Variants in PAPOLG observed in about 807,000 individuals in gnomAD.
PAPOLG encodes the protein poly(A) polymerase gamma, also known as PAP-gamma.
Under a neutral mutation model 99.0 loss-of-function variants are expected in PAPOLG, and 40 were observed. The ratio of observed to expected loss-of-function variants is 0.40; its 90% confidence interval spans 0.31 to 0.53. PAPOLG has a LOEUF of 0.53. Ranked by LOEUF, PAPOLG falls within the 20% of genes least tolerant of loss-of-function variation. PAPOLG has a pLI of 0.41. For synonymous variants in PAPOLG, 310 were observed against 299.3 expected (o/e 1.04, Z -0.37); for missense variants, 675 against 884.1 (o/e 0.76, Z 3.00).
At chr2:60,787,375 A>T in intron 14 of PAPOLG, 136 bp from the exon 15 acceptor site, 1 of 1,153,312 alleles carries the variant, frequency 8.7e-7, no homozygotes, top group Non-Finnish European at 1.2e-6. Context: ...TGTCACTTTT[A>T]AGAATCTGGC....
intron 14 of PAPOLG, 93 bp downstream of exon 14, chr2:60,787,159 G>A: frequency 9.3e-7 from 1 of 1,077,802 alleles, no homozygotes; most frequent in Non-Finnish European, 1.3e-6. Context: ...TTGTTTAACA[G>A]GCATTGATGG....
rs960428100 is a variant in PAPOLG, at chr2:60,799,526, A to G, written c.*2366A>G. ...TTCGTTAACTTGGTGGGAAGCTTCC[A>G]TTGTACTAGTTCCAAGTAAAAAAGG... On this transcript the variant is annotated 3_prime_UTR_variant, in exon 22 of 22. Coordinates refer to ENST00000238714, the MANE Select transcript of PAPOLG (RefSeq NM_022894.4). 1.3e-5 allele frequency: 2 copies of G among 152,392 alleles called. No homozygotes were observed. The highest frequency in any genetic ancestry group is 4.8e-5 in the African/African-American group (2 of 41,470). The allele number at this position is 152,392 out of a possible 1,614,324, so 9.4% of individuals were successfully genotyped here. A position where few individuals can be genotyped will look rare whatever the true frequency, so the allele number is the denominator to read the frequency against.
In PAPOLG at chr2:60,799,573, T is replaced by C. The variant is rs1411052070; in HGVS notation, c.*2413T>C. 1 of 152,216 alleles carries C rather than the reference T, an allele frequency of 6.6e-6. No homozygotes were observed. The highest frequency in any genetic ancestry group is 1.5e-5 in the Non-Finnish European group (1 of 68,044). The allele number at this position is 152,216 out of a possible 1,614,324, so 9.4% of individuals were successfully genotyped here. A position where few individuals can be genotyped will look rare whatever the true frequency, so the allele number is the denominator to read the frequency against. On this transcript the variant is annotated 3_prime_UTR_variant, in exon 22 of 22. Transcript: ENST00000238714. Reference sequence around the variant, plus strand: ...AAGGAGAAAGTATGATCTGGGATTTTGTGTTATGATGAGAGGCACTAAGTA... The same window carrying C: ...AAGGAGAAAGTATGATCTGGGATTTCGTGTTATGATGAGAGGCACTAAGTA...
chr2:60,767,368 G>A (rs1670711736), intron 3 of PAPOLG, among the ~76,000 whole-genome samples: 3 of 148,248 alleles, frequency 2.0e-5, no homozygotes, highest in African/African-American at 7.5e-5. Context: ...TTTGAGGCAA[G>A]GTCTCACTGT....
At position 60,780,617 on chromosome 2, in the gene PAPOLG, TAGA is replaced by T. The variant is rs1349707122; in HGVS notation, c.834-87_834-85del. The T allele has an allele frequency of 6.5e-5, 87 of 1,331,856 alleles. 1 individual carries two copies. Among genetic ancestry groups the T allele is most frequent in the South Asian group, 2.2e-4 (18 of 80,608 alleles). The allele number at this position is 1,331,856 out of a possible 1,614,324, so 82.5% of individuals were successfully genotyped here. A position where few individuals can be genotyped will look rare whatever the true frequency, so the allele number is the denominator to read the frequency against. On this transcript the variant is annotated intron_variant, in intron 9 of 21. Coordinates refer to ENST00000238714, the MANE Select transcript of PAPOLG (RefSeq NM_022894.4). Reference sequence around the variant, plus strand: ...CCAAATACCCAGAACATTCACTCTGTAGAAGGTTAGAACAATCTAATAATTATA... The same window carrying T: ...CCAAATACCCAGAACATTCACTCTGTAGGTTAGAACAATCTAATAATTATA...
intron 13 of PAPOLG, among the ~76,000 whole-genome samples, chr2:60,784,271 T>C (rs1407418215): frequency 6.6e-6 from 1 of 152,212 alleles, no homozygotes; most frequent in Non-Finnish European, 1.5e-5. Flanking sequence ...ACACCCGGCC[T>C]GAGTTTTTCA....
intron 7 of PAPOLG, among the ~76,000 whole-genome samples, chr2:60,772,375 A>C (rs1250682491): frequency 2.7e-5 from 4 of 148,848 alleles, no homozygotes; most frequent in African/African-American, 9.9e-5. Context: ...TGAGCCCCCG[A>C]GGTGGAGGCT....
At chr2:60,784,972 A>T (rs1396496705) in intron 13 of PAPOLG, among the ~76,000 whole-genome samples, 2 of 152,208 alleles carry the variant, frequency 1.3e-5, no homozygotes, top group Non-Finnish European at 2.9e-5. Flanking sequence ...TGATGTTTTT[A>T]AAAAATGTTA....
rs1671544981 is a variant in PAPOLG at position 60,791,837 on chromosome 2, A to G, written c.1473A>G (p.Gln491=). 3.1e-6 allele frequency: 5 copies of G among 1,613,714 alleles called. No homozygotes were observed. Among genetic ancestry groups the G allele is most frequent in the Middle Eastern group, 1.7e-4 (1 of 6,046 alleles). The change falls in exon 16 of 22, where the codon CAA becomes CAG. Residue 491 remains glutamine, a synonymous_variant. Coordinates refer to ENST00000238714, the MANE Select transcript of PAPOLG (RefSeq NM_022894.4). Reference sequence around the variant, plus strand: ...AAGCAACTCATGTAAAGAAAAAACAACTTCACCACTACCTTCCTGCAGAAA... The same window carrying G: ...AAGCAACTCATGTAAAGAAAAAACAGCTTCACCACTACCTTCCTGCAGAAA... ...KIEATHVKKK[Q]LHHYLPAEIL...
intron 3 of PAPOLG, among the ~76,000 whole-genome samples, chr2:60,766,703 A>C (rs974612873): frequency 1.3e-5 from 2 of 150,752 alleles, no homozygotes; most frequent in African/African-American, 4.9e-5. Context: ...AAACCCAAAA[A>C]AACAAAAGAT....
At position 60,793,673 on chromosome 2, in the gene PAPOLG, G is replaced by A. The variant is rs765170016; in HGVS notation, c.1726G>A (p.Val576Ile). 1 of 1,613,856 alleles carries A rather than the reference G, an allele frequency of 6.2e-7. No homozygotes were observed. The highest frequency in any genetic ancestry group is 8.5e-7 in the Non-Finnish European group (1 of 1,179,822). Reference sequence around the variant, plus strand: ...TGTAATTGTGGAGAAGCCACTGAGTGTACCACCAGCCCAAGGACTTTCCAT... The same window carrying A: ...TGTAATTGTGGAGAAGCCACTGAGTATACCACCAGCCCAAGGACTTTCCAT... The part of the protein sequence containing the change: ...AAVIVEKPLS[V>I]PPAQGLSIPV... The change falls in exon 18 of 22, where the codon GTA (valine) becomes ATA (isoleucine). Residue 576 changes from valine to isoleucine, a missense_variant. Val to Ile is a conservative substitution (Grantham distance 29). Around this residue, in one of 3 missense-constraint regions of PAPOLG, gnomAD observed 413 missense variants for 460.5 expected, o/e 0.90. Transcript: ENST00000238714.
At chr2:60,770,583 G>T (rs1670821273) in intron 6 of PAPOLG, 72 bp downstream of exon 6, 8 of 993,158 alleles carry the variant, frequency 8.1e-6, no homozygotes, top group South Asian at 1.8e-5. Flanking sequence ...CTGAAATCAG[G>T]CTTAACATAA....
Position 60,785,535 on chromosome 2 carries a change from T to C in PAPOLG, c.1167-1412T>C, listed in dbSNP as rs191884078. 8.2e-4 allele frequency among the ~76,000 whole-genome samples: 120 copies of C among 147,028 alleles called. No homozygotes were observed. The Middle Eastern group carries it at 0.018, about 22-fold the overall frequency. ...AAACTTATCTTAGCCTTAGGATTTA[T>C]TTTTTTTTTTAGAGACGGAGTCTCA... On this transcript the variant is annotated intron_variant, in intron 13 of 21. Transcript: ENST00000238714.
chr2:60,772,446 CAAAA>C lies in PAPOLG; in HGVS notation c.604+831_604+834del, dbSNP rs35297734. On this transcript the variant is annotated intron_variant, in intron 7 of 21. Coordinates refer to ENST00000238714, the MANE Select transcript of PAPOLG (RefSeq NM_022894.4). ...TAGGTGACAGAGTGAGACCCTGTCT[CAAAA>C]AAAAAAAAAAAAAAGAGGCCAGGCA... Among the ~76,000 whole-genome samples, 550 of 84,124 alleles carry C rather than the reference CAAAA, an allele frequency of 6.5e-3. 7 individuals carry two copies. The highest frequency in any genetic ancestry group is 0.025 in the African/African-American group (538 of 21,488). The allele number at this position is 84,124 out of a possible 152,430, so 55.2% of individuals were successfully genotyped here.
intron 15 of PAPOLG, among the ~76,000 whole-genome samples, chr2:60,788,196 G>A (rs961236821): frequency 1.4e-4 from 22 of 152,016 alleles, no homozygotes; most frequent in African/African-American, 5.3e-4. Context: ...GAATATCTCT[G>A]GAAGGATACT....
At chr2:60,762,637 C>CT (rs915462735) in intron 3 of PAPOLG, among the ~76,000 whole-genome samples, 4 of 147,960 alleles carry the variant, frequency 2.7e-5, no homozygotes, top group Non-Finnish European at 4.5e-5. Flanking sequence ...ATTTTTTTTT[C>CT]TTTTTTTGAG....
chr2:60,784,743 A>G (rs1671305830), intron 13 of PAPOLG, among the ~76,000 whole-genome samples: 1 of 152,162 alleles, frequency 6.6e-6, no homozygotes, highest in Admixed American at 6.5e-5. Flanking sequence ...GAACATAGCC[A>G]TGTTTCTTCG....
intron 8 of PAPOLG, among the ~76,000 whole-genome samples, chr2:60,776,819 T>C (rs1303627092): frequency 6.6e-6 from 1 of 152,222 alleles, no homozygotes; most frequent in Non-Finnish European, 1.5e-5. Context: ...CCTCTCTAGC[T>C]GTGAAAGTCC....
Position 60,787,497 on chromosome 2 carries a change from A to C in PAPOLG, c.1287-14A>C, listed in dbSNP as rs759672112. ...AATAATAATTAATGGAAATTCTTAA[A>C]TTTTACTTTATAGCAACAATTACGT... On this transcript the variant is annotated splice_polypyrimidine_tract_variant and intron_variant, in intron 14 of 21. Transcript: ENST00000238714. 17 of 1,597,286 alleles carry C rather than the reference A, an allele frequency of 1.1e-5. No homozygotes were observed. The South Asian group carries it at 1.9e-4, about 18-fold the overall frequency.
Sources: gnomAD v4.1 joint callset for allele counts (sites outside exome capture counted in the v4.1 genomes callset) on GRCh38, gnomAD v4.1.1 for gene constraint, gnomAD v4.1.1 regional missense constraint, MANE v1.5 for transcripts, NCBI Gene and HGNC (gene_info 2026-07-23, HGNC 2026-07-21) for gene names.